Variants in GRB10 observed in about 807,000 individuals in gnomAD.
GRB10 encodes the protein growth factor receptor bound protein 10.
Under a neutral mutation model 80.9 loss-of-function variants are expected in GRB10, and 20 were observed. That is an observed-to-expected ratio of 0.25 (90% CI 0.17 to 0.36). The LOEUF is 0.36. GRB10 is among the 10% of genes least tolerant of loss of function. GRB10 has a pLI of 1.00. For synonymous variants in GRB10, 291 were observed against 291.5 expected, an observed-to-expected ratio of 1.00 and a Z score of 0.02; for missense variants, 548 against 747.7, an observed-to-expected ratio of 0.73 and a Z score of 3.12.
At chr7:50,595,406 C>A in intron 18 of GRB10, 31 bp downstream of exon 18, 3 of 1,166,040 alleles carry the variant, frequency 2.6e-6, no homozygotes, top group Non-Finnish European at 3.9e-6. Flanking sequence ...AAACAAACCA[C>A]AAGGACTGGT....
At chr7:50,716,452 C>A (rs1318124859) in intron 4 of GRB10, among the ~76,000 whole-genome samples, 1 of 152,002 alleles carries the variant, frequency 6.6e-6, no homozygotes, top group Non-Finnish European at 1.5e-5. Flanking sequence ...ACAAAAAGTA[C>A]CAGGCATGAA....
chr7:50,616,378 A>G, intron 10 of GRB10, 31 bp from the exon 11 acceptor site: 1 of 1,592,176 alleles, frequency 6.3e-7, no homozygotes, highest in Non-Finnish European at 8.6e-7. Context: ...AAAATCACAT[A>G]ATGCTAATCT....
chr7:50,762,933 C>T (rs1331458041), intron 2 of GRB10, among the ~76,000 whole-genome samples: 2 of 152,080 alleles, frequency 1.3e-5, no homozygotes, highest in Admixed American at 6.5e-5. Context: ...CTGGCTAACA[C>T]GGTGAAACCC....
chr7:50,766,652 C>A (rs1197872980), intron 2 of GRB10, among the ~76,000 whole-genome samples: 2 of 152,122 alleles, frequency 1.3e-5, no homozygotes, highest in African/African-American at 4.8e-5. Context: ...TCTCTCCTCT[C>A]CTCAATGAAG....
At chr7:50,628,598 C>T (rs954443124) in intron 7 of GRB10, among the ~76,000 whole-genome samples, 1 of 151,928 alleles carries the variant, frequency 6.6e-6, no homozygotes, top group African/African-American at 2.4e-5. Flanking sequence ...CGGGGCTCAG[C>T]GAGAGCGGAA....
In GRB10 at chr7:50,678,995, T is replaced by G. The variant is rs573685333; in HGVS notation, c.140-4337A>C. Among the ~76,000 whole-genome samples, 335 of 152,350 alleles carry G rather than the reference T, an allele frequency of 2.2e-3. 1 individual carries two copies. The highest frequency in any genetic ancestry group is 4.0e-3 in the Non-Finnish European group (269 of 68,036). Reference sequence around the variant, plus strand: ...CATGGGGCTGCCCCACTGGGAGGAATAGTGAAAGGTGAAGAAAAAAATAAT... The same window carrying G: ...CATGGGGCTGCCCCACTGGGAGGAAGAGTGAAAGGTGAAGAAAAAAATAAT... On this transcript the variant is annotated intron_variant, in intron 5 of 18. Transcript: ENST00000401949.
At chr7:50,744,634 G>A (rs1282796891) in intron 3 of GRB10, among the ~76,000 whole-genome samples, 1 of 152,120 alleles carries the variant, frequency 6.6e-6, no homozygotes, top group African/African-American at 2.4e-5. Flanking sequence ...GGTCCCCTGT[G>A]TTATTCAAAG....
intron 4 of GRB10, among the ~76,000 whole-genome samples, chr7:50,719,267 G>C (rs1381174345): frequency 6.6e-6 from 1 of 152,186 alleles, no homozygotes; most frequent in African/African-American, 2.4e-5. Context: ...GGAAGGGCCA[G>C]GCCCACAGGT....
intron 7 of GRB10, among the ~76,000 whole-genome samples, chr7:50,643,731 T>G (rs546825007): frequency 6.6e-6 from 1 of 152,286 alleles, no homozygotes; most frequent in South Asian, 2.1e-4. Context: ...CAAATGAGTC[T>G]CAAATGGTCC....
chr7:50,771,540 T>C (rs915290823), intron 2 of GRB10, among the ~76,000 whole-genome samples: 2 of 152,040 alleles, frequency 1.3e-5, no homozygotes, highest in African/African-American at 4.8e-5. Flanking sequence ...CCCCCTGGGG[T>C]TGCCAACACT....
At chr7:50,607,504 A>G (rs1463713432) in intron 13 of GRB10, among the ~76,000 whole-genome samples, 1 of 152,198 alleles carries the variant, frequency 6.6e-6, no homozygotes, top group Non-Finnish European at 1.5e-5. Flanking sequence ...ACATAATAAC[A>G]TCAAGAGCAA....
chr7:50,627,482 A>C (rs1252990302), intron 7 of GRB10, among the ~76,000 whole-genome samples: 1 of 152,118 alleles, frequency 6.6e-6, no homozygotes, highest in East Asian at 1.9e-4. Flanking sequence ...GCAGCACCTC[A>C]CCCCTCACAG....
intron 4 of GRB10, among the ~76,000 whole-genome samples, chr7:50,716,847 G>C (rs1261011055): frequency 6.6e-6 from 1 of 152,162 alleles, no homozygotes; most frequent in Non-Finnish European, 1.5e-5. Flanking sequence ...CATAGTAATA[G>C]AAACTATCCA....
intron 17 of GRB10, among the ~76,000 whole-genome samples, chr7:50,600,191 T>C (rs1052334535): frequency 9.9e-5 from 15 of 152,172 alleles, no homozygotes; most frequent in African/African-American, 3.4e-4. Context: ...AGGTATACAC[T>C]GTATTAGAAG....
intron 2 of GRB10, among the ~76,000 whole-genome samples, chr7:50,773,584 G>C (rs79642439): frequency 0.058 from 8,881 of 152,066 alleles, 598 homozygotes; most frequent in Admixed American, 0.18. Context: ...TGAAACCCTT[G>C]TGCATTATTA....
chr7:50,773,502 G>C (rs1336566155), intron 2 of GRB10, among the ~76,000 whole-genome samples: 2 of 132,366 alleles, frequency 1.5e-5, no homozygotes, highest in Non-Finnish European at 3.2e-5. Context: ...GGAGGGGAGG[G>C]GAGGGGAGAG....
At chr7:50,700,164 T>G (rs958719971) in intron 5 of GRB10, among the ~76,000 whole-genome samples, 3 of 152,140 alleles carry the variant, frequency 2.0e-5, no homozygotes, top group Admixed American at 1.3e-4. Flanking sequence ...ATTGTTTCTT[T>G]CTTGAAAGTT....
chr7:50,614,626 T>C (rs1337815576), intron 12 of GRB10, 144 bp downstream of exon 12: 3 of 738,492 alleles, frequency 4.1e-6, no homozygotes, highest in Non-Finnish European at 4.9e-6. Flanking sequence ...CAATAAATGT[T>C]TTTACAGGAA....
At chr7:50,693,998 C>T (rs1179291157) in intron 5 of GRB10, among the ~76,000 whole-genome samples, 2 of 150,708 alleles carry the variant, frequency 1.3e-5, no homozygotes, top group African/African-American at 2.4e-5. Flanking sequence ...CTCTGCAATG[C>T]TTCTGTTATG....
Sources: gnomAD v4.1 joint callset for allele counts (sites outside exome capture counted in the v4.1 genomes callset) on GRCh38, gnomAD v4.1.1 for gene constraint, MANE v1.5 for transcripts, NCBI Gene and HGNC (gene_info 2026-07-23, HGNC 2026-07-21) for gene names.